The following LYST variants were observed in gnomAD, a reference collection of about 807,000 sequenced individuals.
LYST encodes lysosomal trafficking regulator, also known as lysosomal-trafficking regulator.
A neutral mutation model predicts 413.6 loss-of-function variants in LYST; 192 were observed. The ratio of observed to expected loss-of-function variants is 0.46; its 90% CI spans 0.41 to 0.52. The LOEUF is 0.52. LYST is among the 20% of genes least tolerant of loss of function. The probability of loss-of-function intolerance (pLI) is 0.00; values close to 1 mark genes in which losing one functional copy is unlikely to be tolerated. For synonymous variants in LYST, 1,525 were observed against 1,567.3 expected (o/e 0.97, Z 0.64); for missense variants, 3,815 against 4,499.9 (o/e 0.85, Z 4.35).
intron 1 of LYST, among the ~76,000 whole-genome samples, chr1:235,845,278 T>G (rs570955484): frequency 2.0e-5 from 3 of 152,186 alleles, no homozygotes; most frequent in African/African-American, 7.2e-5. Context: ...CTGAATCAAG[T>G]TAGAGAGCCA....
intron 20 of LYST, among the ~76,000 whole-genome samples, chr1:235,769,699 G>GATAATTTTTA (rs1668471518): frequency 6.6e-6 from 1 of 152,034 alleles, no homozygotes. Context: ...CAATGTAACT[G>GATAATTTTTA]ATACAATTAG....
chr1:235,768,019 C>T (rs1668312595), intron 20 of LYST, among the ~76,000 whole-genome samples: 1 of 152,208 alleles, frequency 6.6e-6, no homozygotes, highest in South Asian at 2.1e-4. Context: ...TCTGGTTTCA[C>T]ATCCTGAAAA....
At chr1:235,791,657 AAAC>A (rs1214396632) in intron 12 of LYST, 39 bp downstream of exon 12, 9 of 1,531,436 alleles carry the variant, frequency 5.9e-6, no homozygotes, top group Non-Finnish European at 7.2e-6. Flanking sequence ...TATAGTCTGA[AAAC>A]AATCTTTGTG....
At chr1:235,666,342 GA>G (rs1658466815) in intron 50 of LYST, among the ~76,000 whole-genome samples, 1 of 149,368 alleles carries the variant, frequency 6.7e-6, no homozygotes, top group African/African-American at 2.5e-5. Flanking sequence ...CATGCTAAGT[GA>G]AATAAGCCAG....
At chr1:235,879,097 C>T (rs1304082259) in intron 1 of LYST, among the ~76,000 whole-genome samples, 1 of 152,130 alleles carries the variant, frequency 6.6e-6, no homozygotes, top group Non-Finnish European at 1.5e-5. Context: ...CCTCAAACCC[C>T]TGGGCTCAAG....
At chr1:235,698,642 C>T (rs1303253623) in intron 45 of LYST, among the ~76,000 whole-genome samples, 4 of 152,004 alleles carry the variant, frequency 2.6e-5, no homozygotes, top group Admixed American at 1.3e-4. Flanking sequence ...GAGGCCGAGG[C>T]GGGCGGATCA....
At chr1:235,734,784 C>T (rs1664675219) in intron 31 of LYST, 125 bp from the exon 32 acceptor site, 2 of 631,610 alleles carry the variant, frequency 3.2e-6, no homozygotes, top group South Asian at 2.1e-5. Context: ...AAAGCACCTA[C>T]AAAAGACATT....
At chr1:235,756,231 A>G (rs1667039642) in intron 24 of LYST, among the ~76,000 whole-genome samples, 1 of 152,094 alleles carries the variant, frequency 6.6e-6, no homozygotes, top group Admixed American at 6.6e-5. Context: ...CAGTAGTGAT[A>G]GACTCCTTTC....
intron 42 of LYST, 169 bp from the exon 43 acceptor site, chr1:235,712,366 A>T (rs909032672): frequency 1.7e-6 from 1 of 573,216 alleles, no homozygotes; most frequent in African/African-American, 1.9e-5. Flanking sequence ...ATATTTCTAT[A>T]AACTTGAGAT....
intron 50 of LYST, among the ~76,000 whole-genome samples, chr1:235,673,434 G>A (rs1276126453): frequency 1.3e-5 from 2 of 152,022 alleles, no homozygotes; most frequent in Non-Finnish European, 2.9e-5. Flanking sequence ...GGGGAGATCA[G>A]CACTCTCTCC....
chr1:235,693,545 G>A (rs1572011944), intron 46 of LYST, 59 bp from the exon 47 acceptor site: 1 of 1,603,404 alleles, frequency 6.2e-7, no homozygotes, highest in Non-Finnish European at 8.5e-7. Context: ...TTACATGACA[G>A]CCCAAAACTG....
chr1:235,867,510 A>T (rs1389582876), upstream of LYST, among the ~76,000 whole-genome samples: 2 of 146,772 alleles, frequency 1.4e-5, no homozygotes, highest in Non-Finnish European at 3.0e-5. Flanking sequence ...GCCACTGCAG[A>T]AGTAATTCAG....
At chr1:235,857,726 C>A (rs1558350913) in intron 1 of LYST, among the ~76,000 whole-genome samples, 1 of 141,494 alleles carries the variant, frequency 7.1e-6, no homozygotes, top group Non-Finnish European at 1.5e-5. Context: ...CGTATATATA[C>A]ACAAACATAT....
chr1:235,751,986 C>T lies in LYST; in HGVS notation c.7627+19G>A. On this transcript the variant is annotated intron_variant, in intron 27 of 52. Coordinates refer to ENST00000389793, the MANE Select transcript of LYST (RefSeq NM_000081.4). ...TGTTATACAACTCCCTCCCCAAATT[C>T]ATAAAAATTAAATCTTACTTTGTGT... The T allele has an allele frequency of 6.3e-7, 1 of 1,578,814 alleles. No homozygotes were observed. Among genetic ancestry groups the T allele is most frequent in the South Asian group, 1.1e-5 (1 of 89,886 alleles).
At chr1:235,825,238 G>C (rs1177354363) in intron 3 of LYST, among the ~76,000 whole-genome samples, 4 of 152,106 alleles carry the variant, frequency 2.6e-5, no homozygotes, top group Non-Finnish European at 4.4e-5. Flanking sequence ...AAAACTGAGA[G>C]TTCATATCAC....
chr1:235,677,532 T>C lies in LYST; in HGVS notation c.10888A>G (p.Ile3630Val). 6.2e-7 allele frequency: 1 copy of C among 1,613,556 alleles called. No homozygotes were observed. Among genetic ancestry groups the C allele is most frequent in the East Asian group, 2.2e-5 (1 of 44,780 alleles). ...TSLFVCKPYS[I>V]LISVSRDGTC... ...CCGTCTCTGCTCACACTTATCAGTA[T>C]ACTGTATGGTTTGCAAACAAATAAG... The change falls in exon 49 of 53, where the codon ATA (isoleucine) becomes GTA (valine). Residue 3630 changes from isoleucine (I) to valine (V), a missense_variant. Ile to Val is a conservative substitution (Grantham distance 29). Transcript: ENST00000389793.
chr1:235,755,739 A>G, intron 24 of LYST, 92 bp from the exon 25 acceptor site: 1 of 736,122 alleles, frequency 1.4e-6, no homozygotes, highest in South Asian at 1.6e-5. Flanking sequence ...TTGTAAATTA[A>G]GTTCATATGT....
intron 27 of LYST, 35 bp downstream of exon 27, chr1:235,751,970 A>G (rs1666537804): frequency 6.7e-7 from 1 of 1,493,692 alleles, no homozygotes; most frequent in African/African-American, 1.4e-5. Flanking sequence ...CTGTTATACA[A>G]CTCCCTCCCC....
Position 235,735,945 on chromosome 1 carries a change from A to G in LYST, c.8359-1286T>C, listed in dbSNP as rs188994927. ...AATAAAAACGGTACATGACTAAAAG[A>G]CTTTCCTAAGTGTGTCTTAAAGGTA... On this transcript the variant is annotated intron_variant, in intron 31 of 52. Transcript: ENST00000389793. The G allele has an allele frequency of 1.4e-4, 21 of 152,246 alleles. No individual in the cohort carries two copies. The East Asian group carries it at 4.0e-3, about 29-fold the overall frequency. 9.4% of individuals were successfully genotyped at this position (152,246 alleles called of 1,614,324 possible).
Sources: allele counts gnomAD v4.1 joint callset (sites outside exome capture counted in the v4.1 genomes callset), GRCh38; gene constraint gnomAD v4.1.1; transcripts MANE v1.5; gene names NCBI Gene and HGNC (gene_info 2026-07-23, HGNC 2026-07-21).